The following PTPRD variants were observed in gnomAD, a reference collection of about 807,000 sequenced individuals.
PTPRD encodes the protein protein tyrosine phosphatase receptor type D, also known as receptor-type tyrosine-protein phosphatase delta.
In PTPRD, 34 loss-of-function variants were observed where a neutral mutation model predicts 214.5. The observed-to-expected ratio is 0.16, with a 90% CI of 0.12 to 0.21. The LOEUF (loss-of-function observed/expected upper bound fraction) is 0.21, where lower values mean the gene tolerates loss of function less well. PTPRD is among the 10% of genes least tolerant of loss of function. PTPRD has a pLI of 1.00. For missense variants in PTPRD, 2,545 were observed against 2,398.7 expected (o/e 1.06, Z -1.27); for synonymous variants, 1,128 against 845.7 (o/e 1.33, Z -5.79).
chr9:8,511,307 G>A (rs1333130531), intron 21 of PTPRD, among the ~76,000 whole-genome samples: 1 of 152,034 alleles, frequency 6.6e-6, no homozygotes, highest in African/African-American at 2.4e-5. Context: ...CTGGGCTCAA[G>A]AAATCCTTCC....
At chr9:8,451,512 G>T (rs1432454338) in intron 33 of PTPRD, among the ~76,000 whole-genome samples, 1 of 152,184 alleles carries the variant, frequency 6.6e-6, no homozygotes, top group Non-Finnish European at 1.5e-5. Flanking sequence ...CCATGCGAAA[G>T]GAGGACATGA....
intron 3 of PTPRD, among the ~76,000 whole-genome samples, chr9:10,066,026 C>T (rs965454920): frequency 2.0e-5 from 3 of 151,846 alleles, no homozygotes; most frequent in Non-Finnish European, 4.4e-5. Flanking sequence ...TTATTTGATA[C>T]TAATATCTTC....
chr9:9,006,117 T>C lies in PTPRD; in HGVS notation c.-104+12580A>G, dbSNP rs1460755661. On this transcript the variant is annotated intron_variant, in intron 11 of 45. Transcript: ENST00000381196. ...GGTTTAGAATGAAGCACAGTGCAAC[T>C]GATTCATTGAAGACTTCTTTCACTT... is the stretch of plus-strand genomic sequence containing the variant. Among the ~76,000 whole-genome samples the C allele has an allele frequency of 2.0e-5, 3 of 152,018 alleles. No individual in the cohort carries two copies. The East Asian group carries it at 5.8e-4, about 29-fold the overall frequency.
chr9:10,323,267 C>T (rs1236319341), intron 3 of PTPRD, among the ~76,000 whole-genome samples: 5 of 45,454 alleles, frequency 1.1e-4, no homozygotes, highest in Non-Finnish European at 2.0e-4. Context: ...TCTCTCCCCT[C>T]CCCTCCCCTC....
chr9:10,248,127 T>C (rs2154367295), intron 3 of PTPRD, among the ~76,000 whole-genome samples: 1 of 152,254 alleles, frequency 6.6e-6, no homozygotes, highest in African/African-American at 2.4e-5. Context: ...GTAAGTCCAA[T>C]AAACCTCTTT....
At chr9:9,608,545 G>A (rs57397664) in intron 7 of PTPRD, among the ~76,000 whole-genome samples, 4,435 of 152,178 alleles carry the variant, frequency 0.029, 203 homozygotes, top group African/African-American at 0.1. Flanking sequence ...AGACTAATTG[G>A]CCCCACCTCT....
chr9:8,633,486 G>C (rs765933540), intron 13 of PTPRD, 28 bp from the exon 14 acceptor site: 2 of 1,606,600 alleles, frequency 1.2e-6, no homozygotes, highest in Non-Finnish European at 1.7e-6. Flanking sequence ...AGCTGTCACA[G>C]GTGTTGTTAC....
chr9:9,854,527 A>T (rs1445152749), intron 5 of PTPRD, among the ~76,000 whole-genome samples: 1 of 151,990 alleles, frequency 6.6e-6, no homozygotes, highest in Non-Finnish European at 1.5e-5. Context: ...CAGAAAAAAA[A>T]AGATATCTAA....
chr9:10,502,516 G>C (rs571706478), intron 2 of PTPRD, among the ~76,000 whole-genome samples: 1 of 152,106 alleles, frequency 6.6e-6, no homozygotes, highest in African/African-American at 2.4e-5. Context: ...CCAACTATTT[G>C]ATTAAAGGTC....
chr9:10,276,648 AATTGATTAAAAGATACATAT>A (rs2094707672), intron 3 of PTPRD, among the ~76,000 whole-genome samples: 1 of 152,216 alleles, frequency 6.6e-6, no homozygotes, highest in Non-Finnish European at 1.5e-5. Context: ...ACACCTACCT[AATTGATTAAAAGATACATAT>A]ATTGCACCTG....
chr9:10,477,568 T>C (rs968762838), intron 2 of PTPRD, among the ~76,000 whole-genome samples: 1 of 152,096 alleles, frequency 6.6e-6, no homozygotes, highest in Non-Finnish European at 1.5e-5. Flanking sequence ...TGGAAGACAG[T>C]GTGGTGATTC....
intron 10 of PTPRD, among the ~76,000 whole-genome samples, chr9:9,155,206 C>G (rs1174316205): frequency 6.6e-6 from 1 of 152,032 alleles, no homozygotes; most frequent in African/African-American, 2.4e-5. Flanking sequence ...ATGTATCGGC[C>G]TTTTCATTTT....
At chr9:9,093,508 G>A (rs1261095087) in intron 10 of PTPRD, among the ~76,000 whole-genome samples, 3 of 151,790 alleles carry the variant, frequency 2.0e-5, no homozygotes, top group African/African-American at 7.3e-5. Flanking sequence ...ACATATTCAA[G>A]CAGAAATTAG....
intron 5 of PTPRD, among the ~76,000 whole-genome samples, chr9:9,822,325 C>A (rs2051059754): frequency 6.6e-6 from 1 of 151,332 alleles, no homozygotes; most frequent in Non-Finnish European, 1.5e-5. Flanking sequence ...GCAGGAGAAT[C>A]ACTTGAACCT....
rs187079569 is a variant in PTPRD, at chr9:10,177,599, A to G, written c.-544-143809T>C. Among the ~76,000 whole-genome samples, 124 of 152,020 alleles carry G rather than the reference A, an allele frequency of 8.2e-4. 1 individual carries two copies. Among genetic ancestry groups the G allele is most frequent in the African/African-American group, 2.6e-3 (109 of 41,524 alleles). ...GGAGGCTTTCTTGTATTTGTGGTGA[A>G]CTATGATAGGGGCTCAAATCAGGCT... On this transcript the variant is annotated intron_variant, in intron 3 of 45. Transcript: ENST00000381196.
chr9:10,089,369 A>G (rs1001277774), intron 3 of PTPRD, among the ~76,000 whole-genome samples: 4 of 151,576 alleles, frequency 2.6e-5, no homozygotes, highest in African/African-American at 9.7e-5. Flanking sequence ...TTGTATATGG[A>G]ATAGACTTAT....
chr9:8,370,205 TATACACACACAC>T (rs1427150705), intron 39 of PTPRD, among the ~76,000 whole-genome samples: 7 of 63,462 alleles, frequency 1.1e-4, no homozygotes, highest in East Asian at 7.6e-4. Flanking sequence ...CACATATATA[TATACACACACAC>T]ACACACACAC....
At chr9:9,061,567 A>C (rs2099707458) in intron 10 of PTPRD, among the ~76,000 whole-genome samples, 1 of 152,146 alleles carries the variant, frequency 6.6e-6, no homozygotes, top group Non-Finnish European at 1.5e-5. Context: ...AAGGTTGTCA[A>C]CTCATGGCTT....
intron 5 of PTPRD, among the ~76,000 whole-genome samples, chr9:9,896,241 G>T (rs2074942032): frequency 6.6e-6 from 1 of 151,976 alleles, no homozygotes; most frequent in Admixed American, 6.6e-5. Context: ...TGATATCAGG[G>T]TCTCTATTTT....
Sources: gnomAD v4.1 joint callset for allele counts (sites outside exome capture counted in the v4.1 genomes callset) on GRCh38, gnomAD v4.1.1 for gene constraint, MANE v1.5 for transcripts, NCBI Gene and HGNC (gene_info 2026-07-23, HGNC 2026-07-21) for gene names.